TACC2: variants seen among roughly 807,000 people sequenced by gnomAD.
The protein encoded by TACC2 is transforming acidic coiled-coil-containing protein 2.
A neutral mutation model predicts 227.3 loss-of-function variants in TACC2; 137 were observed. The observed-to-expected ratio is 0.60, with a 90% confidence interval of 0.52 to 0.69. The LOEUF (loss-of-function observed/expected upper bound fraction) is 0.69. Ranked by LOEUF, TACC2 falls within the 30% of genes least tolerant of loss-of-function variation. The pLI is 0.00. For synonymous variants in TACC2, 1,523 were observed against 1,487.5 expected, an observed-to-expected ratio of 1.02 and a Z score of -0.55; for missense variants, 3,470 against 3,694.4, an observed-to-expected ratio of 0.94 and a Z score of 1.57.
chr10:122,062,460 C>T (rs34832465), intron 3 of TACC2, among the ~76,000 whole-genome samples: 27,361 of 143,856 alleles, frequency 0.19, 2,567 homozygotes, highest in East Asian at 0.34. Flanking sequence ...TGCGCCACCA[C>T]GTCCGGCTAA....
chr10:122,089,033 C>CACACTCCAGGA (rs1268652083), intron 5 of TACC2, among the ~76,000 whole-genome samples: 1 of 152,116 alleles, frequency 6.6e-6, no homozygotes, highest in Non-Finnish European at 1.5e-5. Flanking sequence ...GAGGATCGAT[C>CACACTCCAGGA]GTTTGAGCCC....
At position 122,210,873 on chromosome 10, in the gene TACC2, G is replaced by A. The variant is rs751241062; in HGVS notation, c.6448G>A (p.Val2150Met). The A allele has an allele frequency of 1.9e-6, 3 of 1,613,184 alleles. No homozygotes were observed. Among genetic ancestry groups the A allele is most frequent in the Non-Finnish European group, 2.5e-6 (3 of 1,179,878 alleles). ...CAAGAAACCCACAGAGACCCCCCCA[G>A]TGAAGGAGACGCAACAGGAGCCAGA... ...TTKKPTETPP[V>M]KETQQEPDEE... Residue 2150 changes from valine (V) to methionine (M), a missense_variant, in exon 9 of 23, where the codon GTG (valine) becomes ATG (methionine). Physicochemically the swap from Val to Met is conservative, Grantham distance 21 (BLOSUM62 1). Around this residue, in one of 10 missense-constraint regions of TACC2, gnomAD observed 593 missense variants for 636.6 expected, o/e 0.93. Coordinates refer to ENST00000369005, the MANE Select transcript of TACC2 (RefSeq NM_206862.4). This position sits in a 1 kb window ranked among gnomAD's most constrained non-coding sequence, Gnocchi z 4.6.
rs56833446 is a variant in TACC2 at position 122,108,647 on chromosome 10, T to C, written c.5573+20056T>C. ...GTTTAGTAGAGACGAGGTTTCACCA[T>C]GTTGGCCAGGATGTTCTCAATCTCT... On this transcript the variant is annotated intron_variant, in intron 5 of 22. Coordinates refer to ENST00000369005, the MANE Select transcript of TACC2 (RefSeq NM_206862.4). Among the ~76,000 whole-genome samples the C allele has an allele frequency of 3.8e-3, 578 of 151,144 alleles. 1 individual carries two copies. Among genetic ancestry groups the C allele is most frequent in the African/African-American group, 0.011 (471 of 41,104 alleles).
intron 3 of TACC2, among the ~76,000 whole-genome samples, chr10:122,053,135 A>G (rs2075884485): frequency 6.6e-6 from 1 of 152,184 alleles, no homozygotes; most frequent in Non-Finnish European, 1.5e-5. Context: ...GATATACCCA[A>G]GACTGGGCAA....
intron 19 of TACC2, among the ~76,000 whole-genome samples, chr10:122,243,140 C>T (rs1288186528): frequency 6.6e-6 from 1 of 152,136 alleles, no homozygotes; most frequent in Non-Finnish European, 1.5e-5. Flanking sequence ...GACGGGGTTT[C>T]ACTATGTTGG....
At chr10:122,230,270 C>A (rs954634023) in intron 15 of TACC2, 81 bp from the exon 16 acceptor site, 2 of 1,216,234 alleles carry the variant, frequency 1.6e-6, no homozygotes, top group African/African-American at 1.5e-5. Flanking sequence ...TTTCGTGGCA[C>A]GTTCATTTCT....
At chr10:122,076,456 A>G (rs1299361438) in intron 3 of TACC2, among the ~76,000 whole-genome samples, 1 of 152,202 alleles carries the variant, frequency 6.6e-6, no homozygotes, top group Non-Finnish European at 1.5e-5. Context: ...ACTGGCTTTC[A>G]TTCTACCCCG....
chr10:122,175,368 T>C (rs1013610653), intron 7 of TACC2, among the ~76,000 whole-genome samples: 3 of 152,178 alleles, frequency 2.0e-5, no homozygotes, highest in Non-Finnish European at 4.4e-5. Context: ...TTGGTTAATA[T>C]GGGAAAGGAT....
At chr10:122,240,555 T>C (rs1207274344) in intron 18 of TACC2, among the ~76,000 whole-genome samples, 1 of 152,206 alleles carries the variant, frequency 6.6e-6, no homozygotes, top group African/African-American at 2.4e-5. Flanking sequence ...GGAAAATCCT[T>C]ACTCTACCAA....
chr10:122,219,068 A>T lies in TACC2; in HGVS notation c.7546+2240A>T, dbSNP rs1033451739. 2.0e-5 allele frequency among the ~76,000 whole-genome samples: 3 copies of T among 149,440 alleles called. No individual in the cohort carries two copies. The Admixed American group carries it at 2.0e-4, about 10-fold the overall frequency. On this transcript the variant is annotated intron_variant, in intron 11 of 22. Coordinates refer to ENST00000369005, the MANE Select transcript of TACC2 (RefSeq NM_206862.4). ...GACCATCTTGCTCTCCCCTGACCCC[A>T]GAGGCCCTACGATCTGGCCTCAGCC...
At chr10:122,031,954 C>T (rs537997840) in intron 2 of TACC2, among the ~76,000 whole-genome samples, 1 of 152,084 alleles carries the variant, frequency 6.6e-6, no homozygotes, top group South Asian at 2.1e-4. Context: ...GTGATCCTCC[C>T]ACCTCAGCCT....
chr10:122,085,757 A>G lies in TACC2; in HGVS notation c.3257A>G (p.Gln1086Arg). 6.2e-7 allele frequency: 1 copy of G among 1,613,896 alleles called. No individual in the cohort carries two copies. The highest frequency in any genetic ancestry group is 1.3e-5 in the African/African-American group (1 of 75,050). Residue 1086 changes from glutamine to arginine, a missense_variant, in exon 4 of 23, where the codon CAG (glutamine) becomes CGG (arginine). By Grantham distance (43) the Gln-to-Arg change is conservative. This residue lies in a region of TACC2 where 1,924 missense variants were observed against 1,978.3 expected (regional missense o/e 0.97). Coordinates refer to ENST00000369005, the MANE Select transcript of TACC2 (RefSeq NM_206862.4). ...APETEACDET[Q>R]EGRQQPVPAP... is the part of the protein sequence containing the mutation. The stretch of plus-strand genomic sequence containing the variant: ...GAGACAGAGGCATGTGATGAAACCC[A>G]GGAAGGCAGGCAGCAACCAGTGCCG...
chr10:122,143,454 G>A (rs964141722), intron 6 of TACC2, 118 bp from the exon 7 acceptor site: 10 of 1,127,544 alleles, frequency 8.9e-6, no homozygotes, highest in Non-Finnish European at 9.7e-6. Flanking sequence ...AAGTGCTGGG[G>A]TTTAAAGAGT....
chr10:122,033,631 G>C (rs1959211097), intron 2 of TACC2, among the ~76,000 whole-genome samples: 1 of 152,176 alleles, frequency 6.6e-6, no homozygotes. Context: ...GCTGAGTTCC[G>C]CTGCTGTGGC....
chr10:122,032,864 T>C (rs1041632883), intron 2 of TACC2, among the ~76,000 whole-genome samples: 1 of 151,922 alleles, frequency 6.6e-6, no homozygotes, highest in African/African-American at 2.4e-5. Context: ...GAGGCTGAGA[T>C]AGGAGAATCG....
At chr10:122,225,550 G>C (rs2141326274) in intron 12 of TACC2, among the ~76,000 whole-genome samples, 1 of 152,362 alleles carries the variant, frequency 6.6e-6, no homozygotes, top group African/African-American at 2.4e-5. Context: ...GTTGCTTAAA[G>C]AGCTTAGCTC....
intron 5 of TACC2, chr10:122,126,745 A>T (rs990064169): frequency 1.3e-5 from 2 of 152,046 alleles, no homozygotes; most frequent in Non-Finnish European, 2.9e-5. Context: ...GGCCTATTGA[A>T]GCACTTTGCT....
intron 1 of TACC2, among the ~76,000 whole-genome samples, chr10:122,005,575 G>A (rs1954990692): frequency 6.6e-6 from 1 of 150,602 alleles, no homozygotes; most frequent in Admixed American, 6.6e-5. Context: ...TAGTAGAGAT[G>A]GGGTTTCACC....
At position 122,205,936 on chromosome 10, in the gene TACC2, A is replaced by G. The variant is rs1418355974; in HGVS notation, c.5972-4461A>G. 6.6e-6 allele frequency among the ~76,000 whole-genome samples: 1 copy of G among 152,224 alleles called. No homozygotes were observed. The highest frequency in any genetic ancestry group is 1.5e-5 in the Non-Finnish European group (1 of 68,042). On this transcript the variant is annotated intron_variant, in intron 8 of 22. Transcript: ENST00000369005. This position sits in a 1 kb window ranked among gnomAD's most constrained non-coding sequence, Gnocchi z 4.5. ...TAAATATTACTAACTGAAGATTACTATTTGTGTACTTAGAAGATACAAAGC... is the reference window on the plus strand; with the variant it reads ...TAAATATTACTAACTGAAGATTACTGTTTGTGTACTTAGAAGATACAAAGC...
Sources: gnomAD v4.1 joint callset for allele counts (sites outside exome capture counted in the v4.1 genomes callset) on GRCh38, gnomAD v4.1.1 for gene constraint, gnomAD v4.1.1 regional missense constraint, Gnocchi (gnomAD v3.1) non-coding constraint, MANE v1.5 for transcripts, NCBI Gene and HGNC (gene_info 2026-07-23, HGNC 2026-07-21) for gene names.